Variants in ZSCAN25 observed in about 807,000 individuals in gnomAD.
The protein encoded by ZSCAN25 is zinc finger and SCAN domain-containing protein 25.
In ZSCAN25, 27 loss-of-function variants were observed where a neutral mutation model predicts 38.7. The observed-to-expected ratio is 0.70, with a 90% confidence interval of 0.51 to 0.96. The LOEUF is 0.96. Ranked by LOEUF, ZSCAN25 falls within the 40% of genes least tolerant of loss-of-function variation. The pLI is 0.00. For missense variants in ZSCAN25, 637 were observed against 705.9 expected (o/e 0.90, Z 1.11); for synonymous variants, 273 against 277.7 (o/e 0.98, Z 0.17).
intron 6 of ZSCAN25, among the ~76,000 whole-genome samples, chr7:99,623,166 G>T (rs1451627558): frequency 6.6e-6 from 1 of 152,200 alleles, no homozygotes; most frequent in Non-Finnish European, 1.5e-5. Flanking sequence ...AGGCTGTGCT[G>T]ATTGGCCCCG....
the ZSCAN25 span, among the ~76,000 whole-genome samples, chr7:99,725,335 CCCACAA>C: frequency 6.6e-6 from 1 of 152,164 alleles, no homozygotes; most frequent in Non-Finnish European, 1.5e-5. Flanking sequence ...GGCCTCAAAC[CCCACAA>C]CAGGACTTAA....
chr7:99,718,039 G>T, the ZSCAN25 span, among the ~76,000 whole-genome samples: 1 of 152,020 alleles, frequency 6.6e-6, no homozygotes, highest in African/African-American at 2.4e-5. Flanking sequence ...AAAAAGAGGT[G>T]CCTTGATGTG....
the ZSCAN25 span, chr7:99,676,043 G>T: frequency 7.5e-7 from 1 of 1,328,378 alleles, no homozygotes; most frequent in Non-Finnish European, 1.1e-6. Flanking sequence ...CCAAGGAGGG[G>T]CATTTTTACT....
the ZSCAN25 span, among the ~76,000 whole-genome samples, chr7:99,733,587 A>G: frequency 6.6e-6 from 1 of 152,210 alleles, no homozygotes; most frequent in Admixed American, 6.5e-5. Flanking sequence ...TGACAGCCCC[A>G]CAACATGGCC....
In ZSCAN25 at chr7:99,631,481, G is replaced by A. The variant is rs1009532286; in HGVS notation, c.*1461G>A. On this transcript the variant is annotated 3_prime_UTR_variant, in exon 8 of 8. Transcript: ENST00000394152. ...TTCTGGAAGCTGCATAACTAGCGTGGACTGACTGCTGTGTCATTGTGCTGT... is the reference window on the plus strand; with the variant it reads ...TTCTGGAAGCTGCATAACTAGCGTGAACTGACTGCTGTGTCATTGTGCTGT... The A allele has an allele frequency of 4.1e-6, 4 of 985,496 alleles. No homozygotes were observed. In the East Asian group the frequency reaches 4.5e-4, roughly 112 times the overall value. 61.0% of individuals were successfully genotyped at this position (985,496 alleles called of 1,614,324 possible). A position where few individuals can be genotyped will look rare whatever the true frequency, so the allele number is the denominator to read the frequency against.
At chr7:99,710,114 A>G in the ZSCAN25 span, among the ~76,000 whole-genome samples, 3 of 152,240 alleles carry the variant, frequency 2.0e-5, no homozygotes. Flanking sequence ...CACAAAGACC[A>G]GCCCAAAAGC....
rs572557370 is a variant in ZSCAN25 at position 99,624,463 on chromosome 7, T to C, written c.805+283T>C. 15 of 409,542 alleles carry C rather than the reference T, an allele frequency of 3.7e-5. No homozygotes were observed. The South Asian group carries it at 5.1e-4, about 14-fold the overall frequency. 25.4% of individuals were successfully genotyped at this position (409,542 alleles called of 1,614,324 possible). On this transcript the variant is annotated intron_variant, in intron 7 of 7. Transcript: ENST00000394152. ...ACATTGTGTCCATGATTAAAGACAC[T>C]GAGGGCTTGAGAACAAGATACGAAC...
At chr7:99,701,721 T>C in the ZSCAN25 span, among the ~76,000 whole-genome samples, 1 of 152,202 alleles carries the variant, frequency 6.6e-6, no homozygotes, top group African/African-American at 2.4e-5. Flanking sequence ...TTCATATAAC[T>C]ATGTGGCATT....
At chr7:99,648,479 A>T in the ZSCAN25 span, 22 of 1,011,996 alleles carry the variant, frequency 2.2e-5, no homozygotes, top group Non-Finnish European at 3.0e-5. Context: ...TAGAAAAAAT[A>T]TGACAAAAAT....
At chr7:99,642,039 C>T in the ZSCAN25 span, among the ~76,000 whole-genome samples, 7 of 152,226 alleles carry the variant, frequency 4.6e-5, no homozygotes, top group Non-Finnish European at 1.0e-4. Context: ...CAGGCACGCT[C>T]CCAGTTTTGT....
the ZSCAN25 span, among the ~76,000 whole-genome samples, chr7:99,673,903 C>T: frequency 6.6e-6 from 1 of 152,228 alleles, no homozygotes; most frequent in Non-Finnish European, 1.5e-5. Context: ...TGCTCCTAGC[C>T]TAGTTCAGAC....
the ZSCAN25 span, chr7:99,717,276 AAC>A: frequency 6.2e-7 from 1 of 1,613,918 alleles, no homozygotes; most frequent in Non-Finnish European, 8.5e-7. Flanking sequence ...CTAAGCACAA[AAC>A]ACAACACCAC....
chr7:99,735,850 G>A, the ZSCAN25 span, among the ~76,000 whole-genome samples: 9 of 152,272 alleles, frequency 5.9e-5, 1 homozygote, highest in East Asian at 1.7e-3. Context: ...CACACAGTGG[G>A]GACCAGAAAG....
At chr7:99,660,211 CTCCTTTTTTTTTT>C in the ZSCAN25 span, 3 of 796,326 alleles carry the variant, frequency 3.8e-6, no homozygotes, top group African/African-American at 6.7e-5. Flanking sequence ...TCTCGCCACA[CTCCTTTTTTTTTT>C]TTTTTTTTTT....
Position 99,621,497 on chromosome 7 carries a change from T to C in ZSCAN25, c.512T>C (p.Val171Ala). ...PEWGMPPGEG[V>A]QGPDPGTEEQ... ...TGGGGGATGCCCCCTGGGGAAGGAG[T>C]TCAAGGTCCAGACCCAGGTACCGAG... is the stretch of plus-strand genomic sequence containing the variant. Residue 171 changes from valine (V) to alanine (A), a missense_variant, in exon 5 of 8, where the codon GTT becomes GCT. Physicochemically the swap from Val to Ala is moderately conservative, Grantham distance 64. Coordinates refer to ENST00000394152, the MANE Select transcript of ZSCAN25 (RefSeq NM_145115.3). 1 of 1,572,546 alleles carries C rather than the reference T, an allele frequency of 6.4e-7. No individual in the cohort carries two copies. Among genetic ancestry groups the C allele is most frequent in the Admixed American group, 1.7e-5 (1 of 57,240 alleles).
At chr7:99,680,675 A>T in the ZSCAN25 span, among the ~76,000 whole-genome samples, 6 of 152,146 alleles carry the variant, frequency 3.9e-5, no homozygotes, top group African/African-American at 1.4e-4. Context: ...ATCCCCTCTG[A>T]CTCTGTGGTG....
chr7:99,727,281 C>T, the ZSCAN25 span, among the ~76,000 whole-genome samples: 1 of 152,228 alleles, frequency 6.6e-6, no homozygotes, highest in African/African-American at 2.4e-5. Flanking sequence ...GTCATCATGT[C>T]TCTGTGCAGT....
At chr7:99,717,722 A>G in the ZSCAN25 span, 1 of 1,504,496 alleles carries the variant, frequency 6.6e-7, no homozygotes, top group Non-Finnish European at 9.1e-7. Flanking sequence ...AACAGGCATC[A>G]TGTATTTAAC....
Position 99,622,616 on chromosome 7 carries a change from T to A in ZSCAN25, c.657T>A (p.Ala219=). Residue 219 remains alanine (A), a synonymous_variant, in exon 6 of 8, where the codon GCT becomes GCA. Coordinates refer to ENST00000394152, the MANE Select transcript of ZSCAN25 (RefSeq NM_145115.3). ...ATCCCAGAGACCAAGAGATGGCAGC[T>A]GGGTTCTTTACTGCTGGATCGCAGG... ...AVNPRDQEMA[A]GFFTAGSQGL... is the part of the protein sequence containing the mutation. The A allele has an allele frequency of 1.2e-6, 2 of 1,614,208 alleles. No individual in the cohort carries two copies. Among genetic ancestry groups the A allele is most frequent in the Non-Finnish European group, 8.5e-7 (1 of 1,180,024 alleles).
Sources: gnomAD v4.1 joint callset for allele counts (sites outside exome capture counted in the v4.1 genomes callset) on GRCh38, gnomAD v4.1.1 for gene constraint, MANE v1.5 for transcripts, NCBI Gene and HGNC (gene_info 2026-07-23, HGNC 2026-07-21) for gene names.